Variants in SLC7A8 observed in about 807,000 individuals in gnomAD.
SLC7A8 encodes solute carrier family 7 member 8.
In SLC7A8, 30 loss-of-function variants were observed where a neutral mutation model predicts 51.2. That is an observed-to-expected ratio of 0.59 (90% CI 0.44 to 0.80). The LOEUF (loss-of-function observed/expected upper bound fraction) is 0.80. SLC7A8 is among the 30% of genes least tolerant of loss of function. The pLI is 0.00. For missense variants in SLC7A8, 612 were observed against 674.4 expected (o/e 0.91, Z 1.03); for synonymous variants, 257 against 275.8 (o/e 0.93, Z 0.67).
intron 1 of SLC7A8, among the ~76,000 whole-genome samples, chr14:23,176,812 C>T (rs1315968017): frequency 6.6e-6 from 1 of 151,778 alleles, no homozygotes. Context: ...CGTGGTAGCT[C>T]GCGCCTGTAA....
At position 23,129,667 on chromosome 14, in the gene SLC7A8, T is replaced by C. The variant is rs1310176223; in HGVS notation, c.1246A>G (p.Ile416Val). 5.6e-6 allele frequency: 9 copies of C among 1,613,994 alleles called. No individual in the cohort carries two copies. The change falls in exon 9 of 11, where the codon ATC (isoleucine) becomes GTC (valine). Residue 416 changes from isoleucine (I) to valine (V), a missense_variant. Transcript: ENST00000316902. ...QIVLRWKKPD[I>V]PRPIKINLLF... is the part of the protein sequence containing the mutation. The stretch of plus-strand genomic sequence containing the variant: ...TCTCTCACCTTGATGGGGCGGGGGA[T>C]ATCAGGCTTCTTCCAGCGAAGGACT...
chr14:23,153,008 G>A (rs915873721), intron 3 of SLC7A8, among the ~76,000 whole-genome samples: 2 of 152,156 alleles, frequency 1.3e-5, no homozygotes, highest in Non-Finnish European at 2.9e-5. Flanking sequence ...GTCAACTCTT[G>A]GCCCTAGAGG....
At chr14:23,154,546 T>A in intron 3 of SLC7A8, 1 of 929,102 alleles carries the variant, frequency 1.1e-6, no homozygotes, top group Non-Finnish European at 1.3e-6. Flanking sequence ...AAAAGCCGCT[T>A]CGGCTTGGCC....
chr14:23,157,627 A>AT (rs1434196675), intron 3 of SLC7A8, among the ~76,000 whole-genome samples: 1 of 152,050 alleles, frequency 6.6e-6, no homozygotes, highest in Non-Finnish European at 1.5e-5. Context: ...AACAACTGTG[A>AT]TTTTTCCTGT....
intron 1 of SLC7A8, among the ~76,000 whole-genome samples, chr14:23,171,338 T>C (rs2048974370): frequency 6.6e-6 from 1 of 152,204 alleles, no homozygotes; most frequent in Non-Finnish European, 1.5e-5. Flanking sequence ...AAAGGAGCCA[T>C]GTTGTCTCAA....
At chr14:23,168,043 G>A (rs80323004) in intron 1 of SLC7A8, among the ~76,000 whole-genome samples, 45,681 of 151,684 alleles carry the variant, frequency 0.3, 9,386 homozygotes, top group African/African-American at 0.59. Context: ...TTTTGGTGCT[G>A]GGAGTCTTTC....
At chr14:23,171,025 G>A (rs999132629) in intron 1 of SLC7A8, among the ~76,000 whole-genome samples, 2 of 152,054 alleles carry the variant, frequency 1.3e-5, no homozygotes, top group East Asian at 1.9e-4. Context: ...CATCCTGCCC[G>A]GCCAACACAC....
Position 23,148,286 on chromosome 14 carries a change from T to C in SLC7A8, c.509-5082A>G, listed in dbSNP as rs532600805. ...TCTTGTTGCCCAGGCTGGAGTGCAA[T>C]GGCGCAGTCTCAGCTCTCTGCAACC... On this transcript the variant is annotated intron_variant, in intron 3 of 10. Coordinates refer to ENST00000316902, the MANE Select transcript of SLC7A8 (RefSeq NM_012244.4). Among the ~76,000 whole-genome samples the C allele has an allele frequency of 2.0e-5, 3 of 152,270 alleles. No homozygotes were observed. In the South Asian group the frequency reaches 6.2e-4, roughly 32 times the overall value.
At position 23,126,853 on chromosome 14, in the gene SLC7A8, C is replaced by T. The variant is rs776901987; in HGVS notation, c.*324G>A. 29 of 379,174 alleles carry T rather than the reference C, an allele frequency of 7.6e-5. No individual in the cohort carries two copies. The highest frequency in any genetic ancestry group is 1.2e-4 in the Non-Finnish European group (24 of 202,866). 23.5% of individuals were successfully genotyped at this position (379,174 alleles called of 1,614,324 possible). The stretch of plus-strand genomic sequence containing the variant: ...TGGGAGGGAAGGCAGTAATGAGCTC[C>T]GGTTCCTGAAGAGGCAGCTGAGGGT... On this transcript the variant is annotated 3_prime_UTR_variant, in exon 11 of 11. Coordinates refer to ENST00000316902, the MANE Select transcript of SLC7A8 (RefSeq NM_012244.4).
intron 7 of SLC7A8, among the ~76,000 whole-genome samples, chr14:23,133,208 C>T (rs1033300563): frequency 3.3e-5 from 5 of 152,004 alleles, no homozygotes; most frequent in South Asian, 2.1e-4. Flanking sequence ...CAGGCTGAGG[C>T]GGGAGAATCA....
rs571304008 is a variant in SLC7A8 at position 23,161,948 on chromosome 14, T to G, written c.508+3337A>C. The stretch of plus-strand genomic sequence containing the variant: ...TCTAAAAAAAAAAAAAAAAAAAGCA[T>G]CTACCAAGCCTTCCTGACAGCTTGG... On this transcript the variant is annotated intron_variant, in intron 3 of 10. Transcript: ENST00000316902. Among the ~76,000 whole-genome samples the G allele has an allele frequency of 3.3e-5, 4 of 122,088 alleles. No individual in the cohort carries two copies. In the South Asian group the frequency reaches 1.1e-3, roughly 33 times the overall value. The allele number at this position is 122,088 out of a possible 152,430, so 80.1% of individuals were successfully genotyped here.
chr14:23,168,544 G>T (rs750391887), intron 1 of SLC7A8, among the ~76,000 whole-genome samples: 2 of 152,184 alleles, frequency 1.3e-5, no homozygotes, highest in African/African-American at 4.8e-5. Flanking sequence ...TAAAGCTAGG[G>T]TTATAAAACC....
intron 3 of SLC7A8, chr14:23,155,570 G>T: frequency 9.1e-7 from 1 of 1,102,304 alleles, no homozygotes; most frequent in Non-Finnish European, 1.1e-6. Context: ...GGCCTGGATC[G>T]GGGAGAAGCG....
chr14:23,176,506 G>A (rs1876913430), intron 1 of SLC7A8, among the ~76,000 whole-genome samples: 1 of 152,010 alleles, frequency 6.6e-6, no homozygotes, highest in South Asian at 2.1e-4. Flanking sequence ...AGTTATCAGT[G>A]GTGTGACCCT....
intron 6 of SLC7A8, among the ~76,000 whole-genome samples, chr14:23,138,686 T>C (rs1473821956): frequency 1.3e-5 from 2 of 152,194 alleles, no homozygotes; most frequent in African/African-American, 4.8e-5. Context: ...CTTCATGTAT[T>C]TAAGGACTAT....
intron 1 of SLC7A8, among the ~76,000 whole-genome samples, chr14:23,166,750 G>C (rs913857931): frequency 6.6e-6 from 1 of 152,172 alleles, no homozygotes; most frequent in Non-Finnish European, 1.5e-5. Flanking sequence ...CAGGAACTTG[G>C]TCAGGTACTT....
chr14:23,161,696 G>A (rs188395322), intron 3 of SLC7A8, among the ~76,000 whole-genome samples: 36 of 152,258 alleles, frequency 2.4e-4, no homozygotes, highest in Non-Finnish European at 4.9e-4. Context: ...GGGAGGCTGA[G>A]GCGGGTGGAT....
chr14:23,131,814 A>T (rs1226616394), intron 7 of SLC7A8, among the ~76,000 whole-genome samples: 1 of 152,224 alleles, frequency 6.6e-6, no homozygotes, highest in Admixed American at 6.5e-5. Context: ...TGGGTGGCTC[A>T]GGGTTACTGA....
chr14:23,142,936 G>C (rs996120350), intron 4 of SLC7A8, 143 bp downstream of exon 4: 15 of 1,111,396 alleles, frequency 1.3e-5, no homozygotes, highest in Non-Finnish European at 1.9e-5. Flanking sequence ...CTTTTGTCAA[G>C]CAAGGGAAGA....
Sources: allele counts gnomAD v4.1 joint callset (sites outside exome capture counted in the v4.1 genomes callset), GRCh38; gene constraint gnomAD v4.1.1; transcripts MANE v1.5; gene names NCBI Gene and HGNC (gene_info 2026-07-23, HGNC 2026-07-21).